The following ACSBG2 variants were observed in gnomAD, a reference collection of about 807,000 sequenced individuals.
The protein encoded by ACSBG2 is acyl-CoA synthetase bubblegum family member 2.
A neutral mutation model predicts 74.7 loss-of-function variants in ACSBG2; 62 were observed. The observed-to-expected ratio is 0.83, with a 90% CI of 0.68 to 1.03. ACSBG2 has a LOEUF of 1.03. ACSBG2 is among the 50% of genes least tolerant of loss of function. ACSBG2 has a pLI of 0.00. For synonymous variants in ACSBG2, 309 were observed against 294.1 expected, an observed-to-expected ratio of 1.05 and a Z score of -0.52; for missense variants, 730 against 817.6, an observed-to-expected ratio of 0.89 and a Z score of 1.31.
At chr19:6,147,779 A>G in intron 3 of ACSBG2, 104 bp downstream of exon 3, 1 of 1,324,948 alleles carries the variant, frequency 7.5e-7, no homozygotes, top group East Asian at 2.4e-5. Context: ...AAAAGATACA[A>G]AGGTTAATTG....
chr19:6,188,620 C>A (rs1486429971), intron 13 of ACSBG2, among the ~76,000 whole-genome samples: 1 of 152,012 alleles, frequency 6.6e-6, no homozygotes, highest in Non-Finnish European at 1.5e-5. Flanking sequence ...GCAGTGAGAC[C>A]CTGTCTCAAA....
Position 6,147,555 on chromosome 19 carries a change from G to C in ACSBG2, c.177G>C (p.Glu59Asp). The C allele has an allele frequency of 6.2e-7, 1 of 1,614,184 alleles. No homozygotes were observed. The highest frequency in any genetic ancestry group is 8.5e-7 in the Non-Finnish European group (1 of 1,180,048). Residue 59 changes from glutamate to aspartate, a missense_variant, in exon 3 of 15, where the codon GAG becomes GAC. Physicochemically the swap from Glu to Asp is conservative, Grantham distance 45 (BLOSUM62 2). Coordinates refer to ENST00000588485, the MANE Select transcript of ACSBG2 (RefSeq NM_030924.5). ...TGACCATCCCTGAATTTTTTCGAGA[G>C]TCAGTCAACCGATTTGGAACTTATC... ...TPMTIPEFFR[E>D]SVNRFGTYPA...
chr19:6,152,436 G>T (rs1400441871), intron 4 of ACSBG2, among the ~76,000 whole-genome samples: 1 of 75,624 alleles, frequency 1.3e-5, no homozygotes, highest in East Asian at 4.1e-4. Flanking sequence ...GACTACAGGC[G>T]CCCGCCACCG....
intron 7 of ACSBG2, chr19:6,176,054 C>T (rs2090079660): frequency 3.5e-6 from 1 of 286,022 alleles, no homozygotes; most frequent in Non-Finnish European, 6.5e-6. Flanking sequence ...CTGCAACCTC[C>T]CTACTCCTAA....
chr19:6,158,620 A>C (rs1474202514), intron 5 of ACSBG2, among the ~76,000 whole-genome samples: 4 of 152,178 alleles, frequency 2.6e-5, no homozygotes, highest in Non-Finnish European at 5.9e-5. Flanking sequence ...CTCAAGGACC[A>C]CTGTGACTGT....
At chr19:6,185,731 C>T (rs939474607) in intron 11 of ACSBG2, 78 bp downstream of exon 11, 17 of 1,460,884 alleles carry the variant, frequency 1.2e-5, no homozygotes, top group African/African-American at 7.0e-5. Context: ...GGTACCAGCA[C>T]GAAGGCCACC....
rs1298403800 is a variant in ACSBG2 at position 6,182,819 on chromosome 19, G to A, written c.975G>A (p.Glu325=). The stretch of plus-strand genomic sequence containing the variant: ...TCATTGGAGTGCCTCAAATTTGGGA[G>A]AAGATACATGAGATGGTGAAGAAAA... The part of the protein sequence containing the change: ...TVFIGVPQIW[E]KIHEMVKKNS... Residue 325 remains glutamate (E), a synonymous_variant, in exon 9 of 15, where the codon GAG becomes GAA. Coordinates refer to ENST00000588485, the MANE Select transcript of ACSBG2 (RefSeq NM_030924.5). The A allele has an allele frequency of 3.7e-6, 6 of 1,614,202 alleles. No individual in the cohort carries two copies. Among genetic ancestry groups the A allele is most frequent in the African/African-American group, 1.3e-5 (1 of 75,050 alleles).
At chr19:6,158,088 CT>C (rs2089484167) in intron 5 of ACSBG2, among the ~76,000 whole-genome samples, 1 of 143,970 alleles carries the variant, frequency 6.9e-6, no homozygotes, top group Non-Finnish European at 1.5e-5. Flanking sequence ...CAGAGTCTCG[CT>C]CTGTCGCCCA....
At chr19:6,136,512 G>A (rs921185360) in intron 1 of ACSBG2, among the ~76,000 whole-genome samples, 121 of 151,920 alleles carry the variant, frequency 8.0e-4, no homozygotes, top group Admixed American at 4.1e-3. Context: ...ATAGGCACGC[G>A]CCACCATGCC....
intron 10 of ACSBG2, among the ~76,000 whole-genome samples, chr19:6,183,495 G>A (rs535869442): frequency 1.3e-5 from 2 of 152,132 alleles, no homozygotes; most frequent in East Asian, 3.9e-4. Flanking sequence ...ACATTCCATG[G>A]TCTCCCCGTT....
Position 6,156,472 on chromosome 19 carries a change from T to C in ACSBG2, c.428T>C (p.Val143Ala), listed in dbSNP as rs4807840. ...VGIYATNSAE[V>A]CQYVITHAKV... Reference sequence around the variant, plus strand: ...ATTTATGCCACCAACTCTGCCGAGGTTTGTCAATATGTCATCACTCATGCC... The same window carrying C: ...ATTTATGCCACCAACTCTGCCGAGGCTTGTCAATATGTCATCACTCATGCC... Residue 143 changes from valine to alanine, a missense_variant, in exon 5 of 15, where the codon GTT becomes GCT. Val to Ala is a moderately conservative substitution (Grantham distance 64). Transcript: ENST00000588485. 1,110,701 of 1,593,112 alleles carry C rather than the reference T, an allele frequency of 0.7. 388,407 individuals carry two copies. Among genetic ancestry groups the C allele is most frequent in the Admixed American group, 0.76 (42,025 of 55,218 alleles).
intron 6 of ACSBG2, among the ~76,000 whole-genome samples, chr19:6,165,429 T>A (rs2089762879): frequency 6.6e-6 from 1 of 152,196 alleles, no homozygotes; most frequent in Non-Finnish European, 1.5e-5. Context: ...CTTCCAGATC[T>A]GTGGGTGAAG....
In ACSBG2 at chr19:6,161,222, A is replaced by C. The variant is rs1458771209; in HGVS notation, c.515A>C (p.Gln172Pro). ...QQLQKILSIP[Q>P]SSLEPLKAII... The stretch of plus-strand genomic sequence containing the variant: ...CAGGGAACTTTCTTTCAGATTCCAC[A>C]GAGCAGCCTAGAGCCCCTAAAAGCG... Residue 172 changes from glutamine (Q) to proline (P), a missense_variant, in exon 6 of 15, where the codon CAG becomes CCG. Transcript: ENST00000588485. The C allele has an allele frequency of 6.2e-7, 1 of 1,613,292 alleles. No homozygotes were observed. Among genetic ancestry groups the C allele is most frequent in the African/African-American group, 1.3e-5 (1 of 74,894 alleles).
At chr19:6,154,447 A>G (rs1238928773) in intron 4 of ACSBG2, among the ~76,000 whole-genome samples, 1 of 145,494 alleles carries the variant, frequency 6.9e-6, no homozygotes, top group Non-Finnish European at 1.5e-5. Flanking sequence ...TTATTATTAT[A>G]TATATAAAAT....
intron 6 of ACSBG2, 131 bp downstream of exon 6, chr19:6,161,426 T>A: frequency 1.3e-6 from 1 of 767,752 alleles, no homozygotes; most frequent in Non-Finnish European, 2.1e-6. Flanking sequence ...TCAAAGGAAG[T>A]AGGTGGGGAC....
chr19:6,177,176 A>C, intron 7 of ACSBG2, 53 bp from the exon 8 acceptor site: 1 of 1,585,574 alleles, frequency 6.3e-7, no homozygotes, highest in Non-Finnish European at 8.6e-7. Context: ...ATTTAAAAAT[A>C]AAATGGCCCT....
chr19:6,166,449 G>A (rs2089813152), intron 7 of ACSBG2, among the ~76,000 whole-genome samples: 1 of 151,930 alleles, frequency 6.6e-6, no homozygotes, highest in African/African-American at 2.4e-5. Flanking sequence ...AGGTAGCTGG[G>A]ATTACAGGCA....
At chr19:6,154,402 A>AAGAAAGAGAGAG (rs1555691702) in intron 4 of ACSBG2, among the ~76,000 whole-genome samples, 1 of 83,298 alleles carries the variant, frequency 1.2e-5, no homozygotes, top group Admixed American at 1.6e-4. Flanking sequence ...CCGTCTCAAA[A>AAGAAAGAGAGAG]AGAGAGAGAG....
rs1332170915 is a variant in ACSBG2 at position 6,190,646 on chromosome 19, A to G, written c.1990A>G (p.Met664Val). 4 of 1,613,888 alleles carry G rather than the reference A, an allele frequency of 2.5e-6. No homozygotes were observed. Among genetic ancestry groups the G allele is most frequent in the Non-Finnish European group, 1.7e-6 (2 of 1,179,814 alleles). Residue 664 changes from methionine to valine, a missense_variant, in exon 14 of 15, where the codon ATG (methionine) becomes GTG (valine). Transcript: ENST00000588485. Reference sequence around the variant, plus strand: ...GAAATACAAAAAACAAATTGATCACATGTACCACTGACTGCTTTGATGGAG... The same window carrying G: ...GAAATACAAAAAACAAATTGATCACGTGTACCACTGACTGCTTTGATGGAG... Reference protein sequence around the residue: ...AQKYKKQIDHMYH With the variant: ...AQKYKKQIDHVYH
Sources: gnomAD v4.1 joint callset for allele counts (sites outside exome capture counted in the v4.1 genomes callset) on GRCh38, gnomAD v4.1.1 for gene constraint, MANE v1.5 for transcripts, NCBI Gene and HGNC (gene_info 2026-07-23, HGNC 2026-07-21) for gene names.